Variants in PCDHA9 observed in about 807,000 individuals in gnomAD.
PCDHA9 encodes protocadherin alpha 9, also known as protocadherin alpha-9.
In PCDHA9, 62 loss-of-function variants were observed where a neutral mutation model predicts 62.0. The ratio of observed to expected loss-of-function variants is 1.00; its 90% CI spans 0.81 to 1.23. The LOEUF (loss-of-function observed/expected upper bound fraction) is 1.23. PCDHA9 is among the 50% of genes most tolerant of loss of function. The probability of loss-of-function intolerance (pLI) is 0.00; values close to 1 mark genes in which losing one functional copy is unlikely to be tolerated. For synonymous variants in PCDHA9, 557 were observed against 567.6 expected (o/e 0.98, Z 0.27); for missense variants, 1,205 against 1,249.8 (o/e 0.96, Z 0.54).
chr5:141,002,598 C>T (rs2098087385), intron 3 of PCDHA9, among the ~76,000 whole-genome samples: 1 of 152,212 alleles, frequency 6.6e-6, no homozygotes, highest in Admixed American at 6.5e-5. Flanking sequence ...GTCCCCTCAT[C>T]TATAAAACAG....
chr5:140,995,047 C>G (rs1174630120), intron 3 of PCDHA9, among the ~76,000 whole-genome samples: 2 of 152,158 alleles, frequency 1.3e-5, no homozygotes, highest in Admixed American at 1.3e-4. Context: ...CTTAACTCTA[C>G]TGAATTTTCA....
chr5:140,884,441 G>A, intron 1 of PCDHA9: 2 of 1,613,812 alleles, frequency 1.2e-6, no homozygotes, highest in Non-Finnish European at 1.7e-6. Flanking sequence ...GCGGTGCTCG[G>A]CACCGCCCAC....
At chr5:140,986,231 C>A (rs2097191592) in intron 3 of PCDHA9, among the ~76,000 whole-genome samples, 1 of 152,210 alleles carries the variant, frequency 6.6e-6, no homozygotes, top group African/African-American at 2.4e-5. Context: ...AGCCTCCCCT[C>A]TGTGTGAGCA....
intron 1 of PCDHA9, among the ~76,000 whole-genome samples, chr5:140,910,519 G>T (rs187918127): frequency 4.6e-5 from 7 of 152,218 alleles, no homozygotes; most frequent in African/African-American, 4.8e-5. Flanking sequence ...AAGGATGCAG[G>T]TACTCCCCTC....
rs782772973 is a variant in PCDHA9, at chr5:140,855,915, T to C, written c.2394+5026T>C. 2.5e-5 allele frequency: 30 copies of C among 1,191,312 alleles called. 2 individuals are homozygous for C. Among genetic ancestry groups the C allele is most frequent in the Non-Finnish European group, 3.1e-5 (26 of 850,126 alleles). 73.8% of individuals were successfully genotyped at this position (1,191,312 alleles called of 1,614,324 possible). A position where few individuals can be genotyped will look rare whatever the true frequency, so the allele number is the denominator to read the frequency against. On this transcript the variant is annotated intron_variant, in intron 1 of 3. Coordinates refer to ENST00000532602, the MANE Select transcript of PCDHA9 (RefSeq NM_031857.2). The stretch of plus-strand genomic sequence containing the variant: ...AGGCATCAGCCAGTTTCTCAAGGAC[T>C]AGGAAGTAGCGTCATTCTGAGATCT...
intron 1 of PCDHA9, among the ~76,000 whole-genome samples, chr5:140,892,982 A>G (rs1430280813): frequency 2.0e-5 from 3 of 152,238 alleles, no homozygotes; most frequent in Non-Finnish European, 4.4e-5. Context: ...TAGCTGCCGT[A>G]TAAGTGAGAA....
intron 1 of PCDHA9, among the ~76,000 whole-genome samples, chr5:140,917,223 C>T (rs1351907671): frequency 2.0e-5 from 3 of 150,934 alleles, no homozygotes; most frequent in African/African-American, 4.9e-5. Flanking sequence ...TTTAGTGATA[C>T]GTTGTTAAAT....
chr5:141,009,710 C>A lies in PCDHA9; in HGVS notation c.2626C>A (p.Pro876Thr), dbSNP rs2098413865. 1 of 1,613,980 alleles carries A rather than the reference C, an allele frequency of 6.2e-7. No individual in the cohort carries two copies. Among genetic ancestry groups the A allele is most frequent in the African/African-American group, 1.3e-5 (1 of 74,884 alleles). Residue 876 changes from proline (P) to threonine (T), a missense_variant, in exon 4 of 4, where the codon CCC becomes ACC. Pro to Thr is a conservative substitution (Grantham distance 38). Transcript: ENST00000532602. ...GACCTTTAAATACGGACCAGGCAAC[C>A]CCAAACAATCCGGTCCCGGTGAGTT... ...SWTFKYGPGN[P>T]KQSGPGELPD...
intron 1 of PCDHA9, among the ~76,000 whole-genome samples, chr5:140,899,954 T>C (rs1240765868): frequency 6.6e-6 from 1 of 151,586 alleles, no homozygotes; most frequent in Non-Finnish European, 1.5e-5. Context: ...ACCACAGGCA[T>C]GTGCTGCCAT....
At chr5:140,853,209 A>G (rs1399552448) in intron 1 of PCDHA9, 10 of 983,300 alleles carry the variant, frequency 1.0e-5, no homozygotes, top group Non-Finnish European at 1.1e-5. Context: ...TGACGGCTGT[A>G]TTGATGGGAT....
chr5:140,869,666 A>C, intron 1 of PCDHA9: 12 of 1,613,524 alleles, frequency 7.4e-6, no homozygotes, highest in Non-Finnish European at 1.0e-5. Flanking sequence ...AATGGTAAGC[A>C]GATTAAAAGA....
At chr5:140,927,342 TGAC>T (rs1554204398) in intron 1 of PCDHA9, 1 of 1,614,160 alleles carries the variant, frequency 6.2e-7, no homozygotes, top group Non-Finnish European at 8.5e-7. Context: ...ATGCCCAAGA[TGAC>T]GACGAGGGAA....
At chr5:140,882,931 G>A in intron 1 of PCDHA9, 1 of 1,614,206 alleles carries the variant, frequency 6.2e-7, no homozygotes. Context: ...GTAAACCCGA[G>A]CTGACTGGCA....
intron 1 of PCDHA9, chr5:140,869,676 A>G (rs1264007224): frequency 6.2e-7 from 1 of 1,613,486 alleles, no homozygotes; most frequent in African/African-American, 1.3e-5. Flanking sequence ...AGATTAAAAG[A>G]CTGTCACTTA....
intron 1 of PCDHA9, among the ~76,000 whole-genome samples, chr5:140,916,167 C>T (rs2077462600): frequency 6.6e-6 from 1 of 152,080 alleles, no homozygotes; most frequent in South Asian, 2.1e-4. Context: ...TGCTGCCAGG[C>T]CTGGGACTCT....
intron 1 of PCDHA9, among the ~76,000 whole-genome samples, chr5:140,892,032 T>C (rs1329804086): frequency 6.6e-6 from 1 of 152,222 alleles, no homozygotes; most frequent in African/African-American, 2.4e-5. Context: ...TCTAAGATAC[T>C]TTTATTTATT....
chr5:140,882,283 G>A (rs1554173377), intron 1 of PCDHA9: 2 of 1,612,834 alleles, frequency 1.2e-6, no homozygotes, highest in South Asian at 1.1e-5. Flanking sequence ...TGTCTTCCTG[G>A]CAAGGAGGCC....
chr5:140,886,972 A>G (rs2061245917), intron 1 of PCDHA9, among the ~76,000 whole-genome samples: 1 of 152,122 alleles, frequency 6.6e-6, no homozygotes, highest in South Asian at 2.1e-4. Context: ...GAAATTTATT[A>G]TTTTGTAAAT....
Position 140,886,603 on chromosome 5 carries a change from G to GGATCAGGA in PCDHA9, c.2394+35724_2394+35731dup, listed in dbSNP as rs567691866. On this transcript the variant is annotated intron_variant, in intron 1 of 3. Coordinates refer to ENST00000532602, the MANE Select transcript of PCDHA9 (RefSeq NM_031857.2). ...AGCACTTTGGGAGGCCAAGGTGGGC[G>GGATCAGGA]GATCAGGAGATCAGGAGTCCGAGAC... 2.7e-3 allele frequency among the ~76,000 whole-genome samples: 409 copies of GGATCAGGA among 152,092 alleles called. 3 individuals carry two copies. The highest frequency in any genetic ancestry group is 0.014 in the Middle Eastern group (4 of 294).
Sources: allele counts gnomAD v4.1 joint callset (sites outside exome capture counted in the v4.1 genomes callset), GRCh38; gene constraint gnomAD v4.1.1; transcripts MANE v1.5; gene names NCBI Gene and HGNC (gene_info 2026-07-23, HGNC 2026-07-21).